RGS20: variants seen among roughly 807,000 people sequenced by gnomAD.
The protein encoded by RGS20 is gz-selective GTPase-activating protein.
In RGS20, 30 loss-of-function variants were observed where a neutral mutation model predicts 33.6. The ratio of observed to expected loss-of-function variants is 0.89; its 90% CI spans 0.67 to 1.21. RGS20 has a LOEUF of 1.21. RGS20 is among the 50% of genes most tolerant of loss of function. The pLI, the probability that RGS20 is intolerant of heterozygous loss-of-function variation, is 0.00. For missense variants in RGS20, 472 were observed against 502.4 expected (o/e 0.94, Z 0.58); for synonymous variants, 208 against 197.9 (o/e 1.05, Z -0.43).
intron 1 of RGS20, among the ~76,000 whole-genome samples, chr8:53,864,349 G>A (rs2092350147): frequency 6.6e-6 from 1 of 150,554 alleles, no homozygotes; most frequent in African/African-American, 2.4e-5. Context: ...CAGGAGAATA[G>A]CTTGAACCCA....
intron 4 of RGS20, among the ~76,000 whole-genome samples, chr8:53,949,754 A>G (rs1444627551): frequency 1.3e-5 from 2 of 152,056 alleles, no homozygotes; most frequent in East Asian, 3.8e-4. Context: ...AGGGAGAAAG[A>G]AAAAGCTATA....
At chr8:53,907,335 C>T (rs1813209820) in intron 2 of RGS20, among the ~76,000 whole-genome samples, 1 of 152,046 alleles carries the variant, frequency 6.6e-6, no homozygotes, top group African/African-American at 2.4e-5. Context: ...GCCTGTAATA[C>T]CAGCACTTTG....
At chr8:53,950,106 C>A (rs546175011) in intron 4 of RGS20, among the ~76,000 whole-genome samples, 1 of 152,182 alleles carries the variant, frequency 6.6e-6, no homozygotes, top group East Asian at 1.9e-4. Flanking sequence ...TCCCAAAGTG[C>A]TAGGATTACA....
At chr8:53,919,518 A>G (rs1563398533) in intron 2 of RGS20, among the ~76,000 whole-genome samples, 4 of 146,270 alleles carry the variant, frequency 2.7e-5, no homozygotes. Context: ...ATTTTTGTAT[A>G]TTTTTTTTGT....
chr8:53,869,647 G>A (rs993956570), intron 1 of RGS20, among the ~76,000 whole-genome samples: 1 of 152,066 alleles, frequency 6.6e-6, no homozygotes, highest in Non-Finnish European at 1.5e-5. Flanking sequence ...CTACACTCCA[G>A]CCTAGGTGAT....
intron 5 of RGS20, among the ~76,000 whole-genome samples, chr8:53,954,925 A>T (rs1412858991): frequency 3.3e-5 from 5 of 151,326 alleles, no homozygotes; most frequent in East Asian, 2.1e-4. Flanking sequence ...TGACCTCGTG[A>T]TCCACCTGCC....
At chr8:53,932,176 G>C (rs1161161718) in intron 2 of RGS20, among the ~76,000 whole-genome samples, 2 of 152,072 alleles carry the variant, frequency 1.3e-5, no homozygotes, top group Admixed American at 6.5e-5. Context: ...TTTCTCTCTG[G>C]CTGCCCTTAA....
At chr8:53,872,135 C>T (rs886519942) in intron 1 of RGS20, among the ~76,000 whole-genome samples, 3 of 152,114 alleles carry the variant, frequency 2.0e-5, no homozygotes, top group Non-Finnish European at 4.4e-5. Flanking sequence ...TTTTCTCAGC[C>T]TGCACTTACA....
chr8:53,910,919 A>G (rs1252432647), intron 2 of RGS20, among the ~76,000 whole-genome samples: 1 of 152,222 alleles, frequency 6.6e-6, no homozygotes, highest in Non-Finnish European at 1.5e-5. Context: ...ATACCTAAAC[A>G]TGTTAAAATC....
At chr8:53,931,331 C>A (rs1023806278) in intron 2 of RGS20, among the ~76,000 whole-genome samples, 1 of 152,122 alleles carries the variant, frequency 6.6e-6, no homozygotes, top group Admixed American at 6.5e-5. Flanking sequence ...CCAAGGTGGG[C>A]AGATCATGAG....
chr8:53,957,347 C>T (rs1172110174), intron 5 of RGS20, among the ~76,000 whole-genome samples: 1 of 152,154 alleles, frequency 6.6e-6, no homozygotes, highest in African/African-American at 2.4e-5. Context: ...AGGCTGGTTT[C>T]GAACTCCACA....
intron 1 of RGS20, among the ~76,000 whole-genome samples, chr8:53,874,771 T>C (rs1812160737): frequency 6.6e-6 from 1 of 152,224 alleles, no homozygotes; most frequent in Non-Finnish European, 1.5e-5. Context: ...TATATCTGTG[T>C]CGAAATTTCC....
chr8:53,952,542 T>G (rs1335308600), intron 4 of RGS20, among the ~76,000 whole-genome samples: 1 of 151,518 alleles, frequency 6.6e-6, no homozygotes, highest in Non-Finnish European at 1.5e-5. Context: ...CTGGCCAACA[T>G]GGTGAAACGC....
intron 3 of RGS20, among the ~76,000 whole-genome samples, chr8:53,941,413 C>T (rs549445993): frequency 2.6e-5 from 4 of 152,020 alleles, no homozygotes; most frequent in South Asian, 2.1e-4. Context: ...CTAAAAGAAC[C>T]GAAGAAAGGG....
chr8:53,946,615 T>A, intron 3 of RGS20, 50 bp from the exon 3 acceptor site: 1 of 1,440,768 alleles, frequency 6.9e-7, no homozygotes, highest in Non-Finnish European at 9.7e-7. Context: ...TAAAAAATCT[T>A]TTCTTGGCAG....
chr8:53,887,448 G>A (rs1428798443), intron 2 of RGS20, among the ~76,000 whole-genome samples: 2 of 152,000 alleles, frequency 1.3e-5, no homozygotes, highest in Non-Finnish European at 2.9e-5. Flanking sequence ...GGTGATGATC[G>A]TCCCTGTAAG....
At chr8:53,897,667 C>A (rs377059941) in intron 2 of RGS20, among the ~76,000 whole-genome samples, 13 of 152,142 alleles carry the variant, frequency 8.5e-5, no homozygotes. Context: ...CTTTTTCATA[C>A]GCCAACTTGA....
intron 3 of RGS20, among the ~76,000 whole-genome samples, chr8:53,943,024 G>GA (rs35287356): frequency 2.1e-4 from 32 of 150,930 alleles, no homozygotes; most frequent in African/African-American, 7.6e-4. Flanking sequence ...ATGCTAGAGG[G>GA]AAAAAAAATT....
At chr8:53,958,235 T>C (rs1285749923) in intron 5 of RGS20, 35 bp from the exon 5 acceptor site, 2 of 1,468,626 alleles carry the variant, frequency 1.4e-6, no homozygotes, top group Non-Finnish European at 9.2e-7. Context: ...ACAACTGAAG[T>C]CTCTAATACA....
Sources: allele counts gnomAD v4.1 joint callset (sites outside exome capture counted in the v4.1 genomes callset), GRCh38; gene constraint gnomAD v4.1.1; transcripts MANE v1.5; gene names NCBI Gene and HGNC (gene_info 2026-07-23, HGNC 2026-07-21).